CTDSPL2: variants seen among roughly 807,000 people sequenced by gnomAD.
CTDSPL2 encodes CTD small phosphatase-like protein 2.
In CTDSPL2, 5 loss-of-function variants were observed where a neutral mutation model predicts 60.0. That is an observed-to-expected ratio of 0.08 (90% CI 0.04 to 0.18). The LOEUF (loss-of-function observed/expected upper bound fraction) is 0.18. Ranked by LOEUF, CTDSPL2 falls within the 10% of genes least tolerant of loss-of-function variation. The pLI, the probability that CTDSPL2 is intolerant of heterozygous loss-of-function variation, is 1.00. For missense variants in CTDSPL2, 370 were observed against 548.8 expected (o/e 0.67, Z 3.26); for synonymous variants, 186 against 189.3 (o/e 0.98, Z 0.14).
intron 8 of CTDSPL2, among the ~76,000 whole-genome samples, chr15:44,512,755 T>C (rs1416463099): frequency 6.6e-6 from 1 of 152,146 alleles, no homozygotes; most frequent in East Asian, 1.9e-4. Flanking sequence ...TTTTTTCTGC[T>C]TTGAGGAGGG....
intron 1 of CTDSPL2, among the ~76,000 whole-genome samples, chr15:44,434,482 C>G (rs981705697): frequency 6.6e-6 from 1 of 152,236 alleles, no homozygotes; most frequent in African/African-American, 2.4e-5. Context: ...CAGCCTTCAC[C>G]TCCTGGGCTC....
intron 1 of CTDSPL2, among the ~76,000 whole-genome samples, chr15:44,434,779 C>G (rs1055615550): frequency 8.6e-5 from 13 of 152,026 alleles, no homozygotes; most frequent in African/African-American, 3.1e-4. Flanking sequence ...CAGCCTAACT[C>G]AGTTGTTTTA....
intron 3 of CTDSPL2, among the ~76,000 whole-genome samples, chr15:44,486,037 G>A (rs1267531956): frequency 6.6e-6 from 1 of 152,128 alleles, no homozygotes; most frequent in African/African-American, 2.4e-5. Flanking sequence ...ACTCTGAGAT[G>A]GCGTCTCAGT....
chr15:44,442,494 T>C (rs935327658), intron 1 of CTDSPL2, among the ~76,000 whole-genome samples: 1 of 151,192 alleles, frequency 6.6e-6, no homozygotes, highest in African/African-American at 2.4e-5. Flanking sequence ...GGAATTAAGA[T>C]GAAGTATTTT....
At chr15:44,444,647 A>G (rs1191328921) in intron 1 of CTDSPL2, among the ~76,000 whole-genome samples, 2 of 150,762 alleles carry the variant, frequency 1.3e-5, no homozygotes, top group African/African-American at 4.9e-5. Context: ...CACCCAGCCT[A>G]TATTTTCTTC....
At chr15:44,461,297 C>G (rs2080562834) in intron 2 of CTDSPL2, among the ~76,000 whole-genome samples, 1 of 152,230 alleles carries the variant, frequency 6.6e-6, no homozygotes, top group African/African-American at 2.4e-5. Context: ...TCTCCAAAAA[C>G]TTAACACTAA....
At chr15:44,443,618 G>GT (rs2080138574) in intron 1 of CTDSPL2, among the ~76,000 whole-genome samples, 3 of 152,036 alleles carry the variant, frequency 2.0e-5, no homozygotes, top group Admixed American at 1.3e-4. Flanking sequence ...GTGTGAAGCT[G>GT]TTTTTTATTG....
chr15:44,463,227 C>T (rs931836813), intron 2 of CTDSPL2, among the ~76,000 whole-genome samples: 4 of 151,964 alleles, frequency 2.6e-5, no homozygotes, highest in Non-Finnish European at 5.9e-5. Flanking sequence ...CTGCAACCTC[C>T]GCCTCTTGGG....
intron 8 of CTDSPL2, among the ~76,000 whole-genome samples, chr15:44,508,698 G>A (rs772978202): frequency 6.6e-6 from 1 of 152,120 alleles, no homozygotes; most frequent in Non-Finnish European, 1.5e-5. Context: ...TGAGGCGGGT[G>A]GATCACGAGG....
intron 2 of CTDSPL2, among the ~76,000 whole-genome samples, chr15:44,464,500 G>A (rs979049149): frequency 6.6e-6 from 1 of 151,942 alleles, no homozygotes; most frequent in South Asian, 2.1e-4. Flanking sequence ...CTTTATTATT[G>A]TCTGTCAAAG....
intron 1 of CTDSPL2, among the ~76,000 whole-genome samples, chr15:44,446,483 A>G (rs1256649478): frequency 2.0e-5 from 3 of 151,790 alleles, no homozygotes; most frequent in Admixed American, 2.0e-4. Flanking sequence ...GAAAACAAGT[A>G]GCCGGGTGTG....
intron 2 of CTDSPL2, among the ~76,000 whole-genome samples, chr15:44,464,746 G>A (rs764227389): frequency 2.6e-5 from 4 of 152,092 alleles, no homozygotes; most frequent in Admixed American, 6.6e-5. Context: ...TCTCTCTGTC[G>A]CCCAGGCTGG....
intron 12 of CTDSPL2, among the ~76,000 whole-genome samples, chr15:44,522,545 G>A (rs970117845): frequency 1.3e-5 from 2 of 152,104 alleles, no homozygotes; most frequent in Non-Finnish European, 2.9e-5. Context: ...TTGAGGTCAG[G>A]AGGTCGAGAC....
At chr15:44,497,890 T>C (rs1298483475) in intron 7 of CTDSPL2, among the ~76,000 whole-genome samples, 1 of 152,016 alleles carries the variant, frequency 6.6e-6, no homozygotes. Flanking sequence ...TCAGCTACTC[T>C]GGAGGCTGAG....
chr15:44,443,908 CAA>C (rs1165528235), intron 1 of CTDSPL2, among the ~76,000 whole-genome samples: 1 of 152,062 alleles, frequency 6.6e-6, no homozygotes, highest in Admixed American at 6.6e-5. Flanking sequence ...AAATTAAAAA[CAA>C]AATTTTTTAA....
At chr15:44,495,128 T>C (rs1041164868) in intron 5 of CTDSPL2, among the ~76,000 whole-genome samples, 2 of 152,000 alleles carry the variant, frequency 1.3e-5, no homozygotes, top group African/African-American at 4.8e-5. Flanking sequence ...TGTGCCACCA[T>C]GCCCAGCTAA....
chr15:44,457,143 C>G (rs781763934), intron 1 of CTDSPL2, among the ~76,000 whole-genome samples: 1 of 152,184 alleles, frequency 6.6e-6, no homozygotes, highest in Non-Finnish European at 1.5e-5. Flanking sequence ...TCCCAAAATG[C>G]TGGGATTACA....
At chr15:44,456,365 T>C (rs1422177393) in intron 1 of CTDSPL2, among the ~76,000 whole-genome samples, 1 of 152,234 alleles carries the variant, frequency 6.6e-6, no homozygotes, top group Admixed American at 6.5e-5. Context: ...TGAATCCATC[T>C]GGTCCTGGAC....
chr15:44,478,873 T>C (rs2140766745), intron 2 of CTDSPL2, among the ~76,000 whole-genome samples: 1 of 152,176 alleles, frequency 6.6e-6, no homozygotes, highest in African/African-American at 2.4e-5. Flanking sequence ...TCCCAGCTAC[T>C]TGGGAGGCTG....
Sources: gnomAD v4.1 joint callset for allele counts (sites outside exome capture counted in the v4.1 genomes callset) on GRCh38, gnomAD v4.1.1 for gene constraint, MANE v1.5 for transcripts, NCBI Gene and HGNC (gene_info 2026-07-23, HGNC 2026-07-21) for gene names.